The following IPO11 variants were observed in gnomAD, a reference collection of about 807,000 sequenced individuals.
The protein encoded by IPO11 is importin-11.
A neutral mutation model predicts 143.2 loss-of-function variants in IPO11; 66 were observed. The ratio of observed to expected loss-of-function variants is 0.46; its 90% CI spans 0.38 to 0.57. The LOEUF (loss-of-function observed/expected upper bound fraction) is 0.57, where lower values mean the gene tolerates loss of function less well. Among genes scored for constraint, IPO11 ranks in the 20% least tolerant of loss-of-function variants. The pLI is 0.00. For missense variants in IPO11, 1,026 were observed against 1,141.0 expected (o/e 0.90, Z 1.45); for synonymous variants, 385 against 377.8 (o/e 1.02, Z -0.22).
At chr5:62,464,720 G>A (rs1302646287) in intron 5 of IPO11, among the ~76,000 whole-genome samples, 1 of 152,108 alleles carries the variant, frequency 6.6e-6, no homozygotes, top group African/African-American at 2.4e-5. Context: ...GTGATCATCT[G>A]CCTCTGCCTC....
intron 27 of IPO11, among the ~76,000 whole-genome samples, chr5:62,565,009 T>C (rs1023428723): frequency 1.3e-5 from 2 of 152,160 alleles, no homozygotes; most frequent in Non-Finnish European, 2.9e-5. Context: ...TAAGATTGAG[T>C]TTACATATGT....
intron 27 of IPO11, chr5:62,580,100 C>G (rs1165204616): frequency 3.2e-6 from 5 of 1,550,940 alleles, no homozygotes; most frequent in Non-Finnish European, 1.7e-6. Context: ...AAAGTACCAT[C>G]AAATGCCTTT....
At position 62,435,074 on chromosome 5, in the gene IPO11, ATATATATGTGTATATATG is replaced by A. The variant is rs1561308671; in HGVS notation, c.-6-2190_-6-2173del. Among the ~76,000 whole-genome samples, 29 of 103,228 alleles carry A rather than the reference ATATATATGTGTATATATG, an allele frequency of 2.8e-4. 3 individuals carry two copies. Among genetic ancestry groups the A allele is most frequent in the African/African-American group, 8.4e-4 (22 of 26,114 alleles). The allele number at this position is 103,228 out of a possible 152,430, so 67.7% of individuals were successfully genotyped here. On this transcript the variant is annotated intron_variant, in intron 1 of 29. Transcript: ENST00000325324. ...TGTATATATATATGTATATATATGT[ATATATATGTGTATATATG>A]TATATATGTATATATATGTATATAT...
Position 62,435,112 on chromosome 5 carries a change from ATATATGTATATATGTATATATATG to A in IPO11, c.-6-2156_-6-2133del, listed in dbSNP as rs1169468018. Reference sequence around the variant, plus strand: ...TATATGTATATATGTATATATATGTATATATGTATATATGTATATATATGTATATATGTATATATGTATATATAT... The same window carrying A: ...TATATGTATATATGTATATATATGTATATATATGTATATATGTATATATAT... On this transcript the variant is annotated intron_variant, in intron 1 of 29. Transcript: ENST00000325324. Among the ~76,000 whole-genome samples the A allele has an allele frequency of 2.7e-3, 208 of 78,356 alleles. 7 individuals are homozygous for A. Among genetic ancestry groups the A allele is most frequent in the African/African-American group, 0.01 (199 of 19,158 alleles). The allele number at this position is 78,356 out of a possible 152,430, so 51.4% of individuals were successfully genotyped here.
At chr5:62,586,761 AAAAAAAAATATATATATATATATAT>A (rs1212115144) in intron 27 of IPO11, among the ~76,000 whole-genome samples, 3 of 98,916 alleles carry the variant, frequency 3.0e-5, no homozygotes, top group Non-Finnish European at 4.1e-5. Flanking sequence ...CCAAAAAAAA[AAAAAAAAATATATATATATATATAT>A]ATATATATAT....
intron 19 of IPO11, among the ~76,000 whole-genome samples, chr5:62,512,786 C>CT (rs1178851703): frequency 6.7e-6 from 1 of 149,510 alleles, no homozygotes; most frequent in Non-Finnish European, 1.5e-5. Flanking sequence ...GGTGATGACT[C>CT]TTAACGCGCA....
intron 27 of IPO11, among the ~76,000 whole-genome samples, chr5:62,573,834 T>C (rs1401455122): frequency 6.6e-6 from 1 of 152,214 alleles, no homozygotes; most frequent in Non-Finnish European, 1.5e-5. Flanking sequence ...TGCAGTATTG[T>C]ACATATACCT....
chr5:62,618,746 A>T (rs867371346), intron 29 of IPO11, among the ~76,000 whole-genome samples: 1 of 152,206 alleles, frequency 6.6e-6, no homozygotes, highest in African/African-American at 2.4e-5. Flanking sequence ...TAGATTTATA[A>T]CCACGGAACA....
At chr5:62,463,883 G>T (rs1320464657) in intron 5 of IPO11, among the ~76,000 whole-genome samples, 2 of 151,608 alleles carry the variant, frequency 1.3e-5, no homozygotes, top group Non-Finnish European at 2.9e-5. Flanking sequence ...GAGAGCAGTG[G>T]GGTGATCTCA....
At chr5:62,422,473 GT>G (rs1743548760) in intron 1 of IPO11, 1 of 152,348 alleles carries the variant, frequency 6.6e-6, no homozygotes, top group East Asian at 1.9e-4. Context: ...TCCTTAGTGG[GT>G]TTTGTACAGA....
intron 27 of IPO11, among the ~76,000 whole-genome samples, chr5:62,565,710 GC>G (rs1743912235): frequency 6.6e-6 from 1 of 151,850 alleles, no homozygotes; most frequent in South Asian, 2.1e-4. Context: ...GTAGGTTTCA[GC>G]CCATCATCTG....
At position 62,583,855 on chromosome 5, in the gene IPO11, C is replaced by T. The variant is rs917976204; in HGVS notation, c.2583-7722C>T. 5.9e-5 allele frequency among the ~76,000 whole-genome samples: 9 copies of T among 152,146 alleles called. 1 individual carries two copies. The highest frequency in any genetic ancestry group is 3.9e-4 in the Admixed American group (6 of 15,270). On this transcript the variant is annotated intron_variant, in intron 27 of 29. Coordinates refer to ENST00000325324, the MANE Select transcript of IPO11 (RefSeq NM_016338.5). ...AATTAATATAGCTAAGGAAGCTCAC[C>T]TTTCTTAAGATTTCTGTATTTCTCT...
chr5:62,474,292 C>G (rs1745882074), intron 7 of IPO11, 124 bp from the exon 8 acceptor site: 6 of 578,082 alleles, frequency 1.0e-5, no homozygotes, highest in Non-Finnish European at 1.8e-5. Context: ...CTAATTTTAA[C>G]TTATTTTTCT....
intron 29 of IPO11, among the ~76,000 whole-genome samples, chr5:62,624,390 AC>A (rs1217499861): frequency 6.6e-6 from 1 of 152,028 alleles, no homozygotes; most frequent in African/African-American, 2.4e-5. Context: ...CCTATACGTT[AC>A]CCTACAAATA....
chr5:62,550,259 C>T, intron 24 of IPO11, 108 bp from the exon 25 acceptor site: 1 of 740,354 alleles, frequency 1.4e-6, no homozygotes, highest in Non-Finnish European at 2.3e-6. Flanking sequence ...TGTATGCATT[C>T]TTAAATTTGG....
intron 16 of IPO11, among the ~76,000 whole-genome samples, chr5:62,503,406 AG>A (rs1216467711): frequency 1.4e-5 from 2 of 148,062 alleles, no homozygotes; most frequent in African/African-American, 4.9e-5. Context: ...ATATATTAAT[AG>A]TATCTATTAA....
At chr5:62,511,540 ACTT>A (rs1048609692) in intron 19 of IPO11, among the ~76,000 whole-genome samples, 8 of 152,330 alleles carry the variant, frequency 5.3e-5, no homozygotes, top group African/African-American at 1.9e-4. Flanking sequence ...CAAATATTTA[ACTT>A]CTTATTTTTC....
intron 29 of IPO11, among the ~76,000 whole-genome samples, chr5:62,616,070 A>AGGGGGGGGGGGGGGGGGGGGGGGGGGAGG (rs67923113): frequency 9.4e-6 from 1 of 106,350 alleles, no homozygotes; most frequent in Non-Finnish European, 1.9e-5. Flanking sequence ...TGGGGGAGGA[A>AGGGGGGGGGGGGGGGGGGGGGGGGGGAGG]GGGGGGTGGC....
chr5:62,596,775 C>T (rs1580368039), intron 28 of IPO11, among the ~76,000 whole-genome samples: 1 of 152,066 alleles, frequency 6.6e-6, no homozygotes, highest in Non-Finnish European at 1.5e-5. Context: ...CTGATCCATT[C>T]TGCCCCACTT....
Sources: gnomAD v4.1 joint callset for allele counts (sites outside exome capture counted in the v4.1 genomes callset) on GRCh38, gnomAD v4.1.1 for gene constraint, MANE v1.5 for transcripts, NCBI Gene and HGNC (gene_info 2026-07-23, HGNC 2026-07-21) for gene names.